Variants in THUMPD2 observed in about 807,000 individuals in gnomAD.
THUMPD2 encodes the protein U6 snRNA (guanine-N(2))-methyltransferase THUMPD2.
THUMPD2 carries 56 observed loss-of-function variants against 49.4 expected under a neutral mutation model. The observed-to-expected ratio is 1.13, with a 90% confidence interval of 0.91 to 1.41. THUMPD2 has a LOEUF of 1.41. Ranked by LOEUF, THUMPD2 falls within the 40% of genes most tolerant of loss-of-function variation. THUMPD2 has a pLI of 0.00. For synonymous variants in THUMPD2, 237 were observed against 205.2 expected (o/e 1.15, Z -1.32); for missense variants, 709 against 594.5 (o/e 1.19, Z -2.00).
rs570259595 is a variant in THUMPD2, at chr2:39,746,844, T to G, written c.1079-2366A>C. Among the ~76,000 whole-genome samples the G allele has an allele frequency of 6.6e-5, 10 of 152,246 alleles. 1 individual carries two copies. In the South Asian group the frequency reaches 2.1e-3, roughly 32 times the overall value. ...AGACCAGGTTCATTGAGCACTTTTA[T>G]AAAACTGAACATATCCTTCTTCCTA... On this transcript the variant is annotated intron_variant, in intron 8 of 9. Transcript: ENST00000505747.
chr2:39,751,376 T>A (rs1485471180), intron 8 of THUMPD2, among the ~76,000 whole-genome samples: 1 of 152,262 alleles, frequency 6.6e-6, no homozygotes, highest in Non-Finnish European at 1.5e-5. Flanking sequence ...AATCTTGTTA[T>A]AAACCTACAC....
chr2:39,773,376 A>T (rs1678596416), intron 1 of THUMPD2, among the ~76,000 whole-genome samples: 1 of 151,804 alleles, frequency 6.6e-6, no homozygotes, highest in South Asian at 2.1e-4. Context: ...AATTCTGTAA[A>T]CAAGTAAAAT....
rs139143488 is a variant in THUMPD2 at position 39,749,814 on chromosome 2, C to T, written c.1079-5336G>A. ...TTGTCCCCCAACCACGTGTTCTCAT[C>T]GTTTAGCTCCCACTTATAAGTGAAA... On this transcript the variant is annotated intron_variant, in intron 8 of 9. Transcript: ENST00000505747. Among the ~76,000 whole-genome samples, 432 of 152,056 alleles carry T rather than the reference C, an allele frequency of 2.8e-3. 6 individuals carry two copies. Among genetic ancestry groups the T allele is most frequent in the African/African-American group, 9.8e-3 (405 of 41,488 alleles).
chr2:39,767,327 G>A (rs181916953), intron 4 of THUMPD2, among the ~76,000 whole-genome samples: 2,404 of 152,184 alleles, frequency 0.016, 38 homozygotes, highest in Non-Finnish European at 0.023. Flanking sequence ...AAAGGGGGCC[G>A]GGCGCGGTGG....
chr2:39,740,460 G>A (rs1031746258), intron 9 of THUMPD2, among the ~76,000 whole-genome samples: 1 of 152,130 alleles, frequency 6.6e-6, no homozygotes, highest in African/African-American at 2.4e-5. Context: ...TACATGACAA[G>A]ATGCCTAACA....
In THUMPD2 at chr2:39,737,061, T is replaced by A; in HGVS notation, c.1188-2A>T. 6.3e-7 allele frequency: 1 copy of A among 1,580,680 alleles called. No homozygotes were observed. The highest frequency in any genetic ancestry group is 8.6e-7 in the Non-Finnish European group (1 of 1,162,958). On this transcript the variant is annotated splice_acceptor_variant, in intron 9 of 9. Coordinates refer to ENST00000505747, the MANE Select transcript of THUMPD2 (RefSeq NM_025264.5). LOFTEE classifies it high-confidence loss of function. ...ATGGTTCCGCCAACATGAAGCACTCTGTGACAAAAAAAAAATGGTAATTGC... is the reference window on the plus strand; with the variant it reads ...ATGGTTCCGCCAACATGAAGCACTCAGTGACAAAAAAAAAATGGTAATTGC...
At chr2:39,777,536 T>C (rs1679283750) in intron 1 of THUMPD2, among the ~76,000 whole-genome samples, 1 of 152,192 alleles carries the variant, frequency 6.6e-6, no homozygotes, top group South Asian at 2.1e-4. Flanking sequence ...AATCATAACA[T>C]GCACATAACT....
Position 39,744,446 on chromosome 2 carries a change from T to C in THUMPD2, c.1111A>G (p.Ile371Val). The C allele has an allele frequency of 6.3e-7, 1 of 1,587,472 alleles. No individual in the cohort carries two copies. The highest frequency in any genetic ancestry group is 8.5e-7 in the Non-Finnish European group (1 of 1,170,374). ...TTCCCAAATGGAATGTCAGAAATAATAATATCAACACTTTCTGAAGGCAAT... is the reference window on the plus strand; with the variant it reads ...TTCCCAAATGGAATGTCAGAAATAACAATATCAACACTTTCTGAAGGCAAT... Reference protein sequence around the residue: ...LPLPSESVDIIISDIPFGKKF... With the variant: ...LPLPSESVDIVISDIPFGKKF... Residue 371 changes from isoleucine (I) to valine (V), a missense_variant, in exon 9 of 10, where the codon ATT becomes GTT. Ile to Val is a conservative substitution (Grantham distance 29). Coordinates refer to ENST00000505747, the MANE Select transcript of THUMPD2 (RefSeq NM_025264.5).
chr2:39,756,750 CAAG>C (rs1676184580), intron 6 of THUMPD2, among the ~76,000 whole-genome samples: 1 of 152,072 alleles, frequency 6.6e-6, no homozygotes, highest in African/African-American at 2.4e-5. Flanking sequence ...GTAACAATCA[CAAG>C]AAGACAAGCA....
chr2:39,773,139 C>T (rs1279838335), intron 1 of THUMPD2, among the ~76,000 whole-genome samples: 2 of 152,172 alleles, frequency 1.3e-5, no homozygotes, highest in Non-Finnish European at 2.9e-5. Flanking sequence ...TTTCTCATTA[C>T]ATAGGTGACA....
At chr2:39,767,421 G>A (rs529068079) in intron 4 of THUMPD2, among the ~76,000 whole-genome samples, 19 of 151,008 alleles carry the variant, frequency 1.3e-4, no homozygotes, top group Non-Finnish European at 2.2e-4. Context: ...CGGCTAAAAC[G>A]GTGAAACCCC....
chr2:39,736,570 C>T lies in THUMPD2; in HGVS notation c.*165G>A. On this transcript the variant is annotated 3_prime_UTR_variant, in exon 10 of 10. Transcript: ENST00000505747. ...ACATTAAGTACTTTAGAATATAAAG[C>T]AGAAACTCTTACCAAGCATGTGTAC... 2 of 525,254 alleles carry T rather than the reference C, an allele frequency of 3.8e-6. No individual in the cohort carries two copies. Among genetic ancestry groups the T allele is most frequent in the South Asian group, 3.7e-5 (1 of 26,722 alleles). 32.5% of individuals were successfully genotyped at this position (525,254 alleles called of 1,614,324 possible).
Position 39,739,112 on chromosome 2 carries a change from C to T in THUMPD2, c.1188-2053G>A, listed in dbSNP as rs569740577. On this transcript the variant is annotated intron_variant, in intron 9 of 9. Transcript: ENST00000505747. Reference sequence around the variant, plus strand: ...AGACAGGTCTTGTTTCCATTCTTGTCGCCCCTCCCACTCTGTCTTCCGTTT... The same window carrying T: ...AGACAGGTCTTGTTTCCATTCTTGTTGCCCCTCCCACTCTGTCTTCCGTTT... Among the ~76,000 whole-genome samples the T allele has an allele frequency of 4.6e-5, 7 of 152,224 alleles. No homozygotes were observed. The South Asian group carries it at 1.2e-3, about 27-fold the overall frequency.
intron 1 of THUMPD2, among the ~76,000 whole-genome samples, chr2:39,773,920 C>T (rs1042368025): frequency 2.6e-5 from 4 of 152,184 alleles, no homozygotes; most frequent in African/African-American, 7.2e-5. Flanking sequence ...TTGAATAACA[C>T]TGTTTCGTTC....
intron 3 of THUMPD2, 78 bp from the exon 4 acceptor site, chr2:39,768,579 T>A: frequency 8.6e-7 from 1 of 1,159,794 alleles, no homozygotes; most frequent in East Asian, 2.4e-5. Context: ...ACTAACAGAG[T>A]AGCCTATAAG....
At position 39,737,415 on chromosome 2, in the gene THUMPD2, G is replaced by C. The variant is rs1673240197; in HGVS notation, c.1188-356C>G. Reference sequence around the variant, plus strand: ...ACAGCAGAAGAAAGTTAACAGGAAAGAGTTAGGACACGAACAAAGAAATGG... The same window carrying C: ...ACAGCAGAAGAAAGTTAACAGGAAACAGTTAGGACACGAACAAAGAAATGG... On this transcript the variant is annotated intron_variant, in intron 9 of 9. Transcript: ENST00000505747. 2.6e-5 allele frequency among the ~76,000 whole-genome samples: 4 copies of C among 152,332 alleles called. No homozygotes were observed. The South Asian group carries it at 8.3e-4, about 32-fold the overall frequency.
At chr2:39,766,350 T>C (rs1408778614) in intron 4 of THUMPD2, 5 of 304,858 alleles carry the variant, frequency 1.6e-5, no homozygotes, top group East Asian at 1.2e-4. Flanking sequence ...AGGAGAGTCA[T>C]GTTACAAAGA....
chr2:39,768,770 A>C, intron 3 of THUMPD2: 1 of 749,450 alleles, frequency 1.3e-6, no homozygotes, highest in East Asian at 3.9e-5. Flanking sequence ...TATATGAAAT[A>C]ACTAGATTAT....
rs762827388 is a variant in THUMPD2 at position 39,766,129 on chromosome 2, A to G, written c.751-20T>C. ...AAAGATCTGAAAGAACAAACACAGA[A>G]GTTAGAATGGAACAAGAAACTTCAT... On this transcript the variant is annotated intron_variant, in intron 4 of 9. Transcript: ENST00000505747. 1 of 1,535,724 alleles carries G rather than the reference A, an allele frequency of 6.5e-7. No individual in the cohort carries two copies. Among genetic ancestry groups the G allele is most frequent in the Admixed American group, 2.3e-5 (1 of 43,484 alleles).
Sources: gnomAD v4.1 joint callset for allele counts (sites outside exome capture counted in the v4.1 genomes callset) on GRCh38, gnomAD v4.1.1 for gene constraint, MANE v1.5 for transcripts, NCBI Gene and HGNC (gene_info 2026-07-23, HGNC 2026-07-21) for gene names.